Variants in TNNI3K observed in about 807,000 individuals in gnomAD.
TNNI3K encodes the protein TNNI3 interacting kinase, also known as serine/threonine-protein kinase TNNI3K.
Under a neutral mutation model 114.5 loss-of-function variants are expected in TNNI3K, and 140 were observed. That is an observed-to-expected ratio of 1.22 (90% confidence interval 1.07 to 1.41). The LOEUF is 1.41. TNNI3K is among the 40% of genes most tolerant of loss of function. The pLI, the probability that TNNI3K is intolerant of heterozygous loss-of-function variation, is 0.00. For missense variants in TNNI3K, 1,125 were observed against 1,007.6 expected, an observed-to-expected ratio of 1.12 and a Z score of -1.58; for synonymous variants, 347 against 347.5, an observed-to-expected ratio of 1.00 and a Z score of 0.02.
chr1:74,492,397 C>A, intron 23 of TNNI3K, 131 bp downstream of exon 23: 1 of 1,202,294 alleles, frequency 8.3e-7, no homozygotes, highest in Non-Finnish European at 1.1e-6. Context: ...GAGTTTTCAG[C>A]CCATTTTTCT....
chr1:74,334,111 G>T (rs1660349660), intron 6 of TNNI3K, among the ~76,000 whole-genome samples: 1 of 152,190 alleles, frequency 6.6e-6, no homozygotes, highest in Non-Finnish European at 1.5e-5. Context: ...ACAACTCCAA[G>T]AGGTAGAAAT....
chr1:74,255,171 G>C (rs908777569), intron 4 of TNNI3K, among the ~76,000 whole-genome samples: 1 of 151,876 alleles, frequency 6.6e-6, no homozygotes, highest in Non-Finnish European at 1.5e-5. Flanking sequence ...CGGCTAAAAT[G>C]GTGAAACCCC....
chr1:74,465,536 C>A (rs532233716), intron 21 of TNNI3K, among the ~76,000 whole-genome samples: 5 of 147,616 alleles, frequency 3.4e-5, no homozygotes, highest in Non-Finnish European at 5.9e-5. Flanking sequence ...ATGCCCGAGT[C>A]CCCCCCCAAC....
At chr1:74,446,809 A>G (rs1666710595) in intron 20 of TNNI3K, among the ~76,000 whole-genome samples, 1 of 149,026 alleles carries the variant, frequency 6.7e-6, no homozygotes, top group African/African-American at 2.5e-5. Flanking sequence ...TCCTTTCCCC[A>G]TTGCTTGTTT....
chr1:74,354,503 G>C (rs45443403), intron 11 of TNNI3K, among the ~76,000 whole-genome samples: 206 of 152,092 alleles, frequency 1.4e-3, no homozygotes, highest in African/African-American at 4.7e-3. Context: ...AGTACAAGGG[G>C]GGGGGAAAGA....
intron 17 of TNNI3K, among the ~76,000 whole-genome samples, chr1:74,426,776 C>G (rs1665659061): frequency 6.6e-6 from 1 of 151,996 alleles, no homozygotes; most frequent in Non-Finnish European, 1.5e-5. Flanking sequence ...ATTCTTGGAT[C>G]TGGTTTCTTA....
intron 5 of TNNI3K, among the ~76,000 whole-genome samples, chr1:74,297,081 GGACTT>G (rs1293514828): frequency 6.6e-6 from 1 of 151,358 alleles, no homozygotes; most frequent in Non-Finnish European, 1.5e-5. Context: ...TTTCCTCTTG[GGACTT>G]GATTTTTTTT....
At chr1:74,467,158 A>G (rs1047977431) in intron 21 of TNNI3K, among the ~76,000 whole-genome samples, 3 of 152,168 alleles carry the variant, frequency 2.0e-5, no homozygotes, top group Non-Finnish European at 4.4e-5. Flanking sequence ...ACCAGAACAT[A>G]CGAAAATTCA....
intron 5 of TNNI3K, among the ~76,000 whole-genome samples, chr1:74,297,186 T>G (rs1658039911): frequency 6.6e-6 from 1 of 152,190 alleles, no homozygotes; most frequent in Admixed American, 6.5e-5. Context: ...ATCAACACCA[T>G]ACAGTAGAAG....
chr1:74,356,047 C>T (rs1207988658), intron 11 of TNNI3K, among the ~76,000 whole-genome samples: 1 of 152,182 alleles, frequency 6.6e-6, no homozygotes, highest in Non-Finnish European at 1.5e-5. Context: ...CTTCCAATCA[C>T]TCCCCTAAAG....
intron 23 of TNNI3K, among the ~76,000 whole-genome samples, chr1:74,539,962 G>T (rs1331774813): frequency 6.6e-6 from 1 of 151,964 alleles, no homozygotes; most frequent in African/African-American, 2.4e-5. Context: ...CTATTTTACA[G>T]GTAAATAAAC....
intron 5 of TNNI3K, among the ~76,000 whole-genome samples, chr1:74,293,500 T>C (rs1367125689): frequency 6.6e-6 from 1 of 151,744 alleles, no homozygotes; most frequent in African/African-American, 2.4e-5. Context: ...GATAGAACTA[T>C]TTTTTAAATT....
intron 20 of TNNI3K, among the ~76,000 whole-genome samples, chr1:74,451,486 C>G: frequency 6.6e-6 from 1 of 151,884 alleles, no homozygotes; most frequent in Admixed American, 6.6e-5. Flanking sequence ...TAGTACCCCA[C>G]AAACTTACTA....
chr1:74,269,526 C>T (rs1233901565), intron 4 of TNNI3K, among the ~76,000 whole-genome samples: 1 of 151,706 alleles, frequency 6.6e-6, no homozygotes, highest in East Asian at 1.9e-4. Flanking sequence ...AGTTAGGAAG[C>T]TGCGTAATAC....
chr1:74,540,515 G>A (rs1646713799), intron 24 of TNNI3K, among the ~76,000 whole-genome samples: 1 of 151,838 alleles, frequency 6.6e-6, no homozygotes, highest in Non-Finnish European at 1.5e-5. Context: ...GTGAGCATGT[G>A]TGAGTGTGCA....
At chr1:74,441,236 GATCA>G (rs1402429569) in intron 20 of TNNI3K, among the ~76,000 whole-genome samples, 3 of 152,040 alleles carry the variant, frequency 2.0e-5, no homozygotes, top group Admixed American at 6.6e-5. Flanking sequence ...GCCTGTCTGG[GATCA>G]ATCCACTTCT....
chr1:74,541,877 A>G (rs1646730809), intron 24 of TNNI3K, among the ~76,000 whole-genome samples: 1 of 152,236 alleles, frequency 6.6e-6, no homozygotes, highest in Non-Finnish European at 1.5e-5. Flanking sequence ...ATTCTATTTC[A>G]TAAACTGATC....
intron 5 of TNNI3K, among the ~76,000 whole-genome samples, chr1:74,313,382 C>A (rs955476629): frequency 6.6e-6 from 1 of 152,200 alleles, no homozygotes; most frequent in Non-Finnish European, 1.5e-5. Flanking sequence ...TCATTAGACA[C>A]TTGGAAGATA....
intron 17 of TNNI3K, among the ~76,000 whole-genome samples, chr1:74,387,550 A>T (rs2100561055): frequency 6.6e-6 from 1 of 152,312 alleles, no homozygotes; most frequent in South Asian, 2.1e-4. Context: ...TTGCCCAAAA[A>T]AGCTTTCGGT....
Sources: allele counts gnomAD v4.1 joint callset (sites outside exome capture counted in the v4.1 genomes callset), GRCh38; gene constraint gnomAD v4.1.1; transcripts MANE v1.5; gene names NCBI Gene and HGNC (gene_info 2026-07-23, HGNC 2026-07-21).